The following PDXDC1 variants were observed in gnomAD, a reference collection of about 807,000 sequenced individuals.
The protein encoded by PDXDC1 is pyridoxal-dependent decarboxylase domain-containing protein 1.
A neutral mutation model predicts 100.1 loss-of-function variants in PDXDC1; 42 were observed. The ratio of observed to expected loss-of-function variants is 0.42; its 90% CI spans 0.33 to 0.54. The LOEUF is 0.54. Ranked by LOEUF, PDXDC1 falls within the 20% of genes least tolerant of loss-of-function variation. PDXDC1 has a pLI of 0.10. For missense variants in PDXDC1, 636 were observed against 979.2 expected (o/e 0.65, Z 4.68); for synonymous variants, 260 against 371.7 (o/e 0.70, Z 3.46).
At chr16:15,074,833 G>C (rs1196611169) in intron 16 of PDXDC1, 4 of 1,612,016 alleles carry the variant, frequency 2.5e-6, no homozygotes, top group Non-Finnish European at 2.5e-6. Flanking sequence ...ACCAGCCTTT[G>C]TTTCATGTTC....
chr16:15,044,365 C>A, intron 16 of PDXDC1: 1 of 1,613,428 alleles, frequency 6.2e-7, no homozygotes. Context: ...TTTGTGACAA[C>A]TGCCTGTCGT....
At chr16:14,980,340 G>C (rs1346176155) in intron 1 of PDXDC1, among the ~76,000 whole-genome samples, 3 of 152,258 alleles carry the variant, frequency 2.0e-5, no homozygotes, top group African/African-American at 7.2e-5. Flanking sequence ...CTGTCACCCA[G>C]GCTGGAGTGC....
At chr16:15,030,329 G>A (rs1326581257) in intron 16 of PDXDC1, among the ~76,000 whole-genome samples, 5 of 152,224 alleles carry the variant, frequency 3.3e-5, no homozygotes, top group African/African-American at 1.2e-4. Flanking sequence ...CAGATCATCT[G>A]AGGTCAGGAG....
chr16:15,144,203 A>G (rs1299906378), downstream of PDXDC1, among the ~76,000 whole-genome samples: 1 of 152,086 alleles, frequency 6.6e-6, no homozygotes, highest in East Asian at 1.9e-4. Flanking sequence ...GCTGGAGAGG[A>G]CAGGGGACAG....
At chr16:15,006,087 A>T (rs1486110141) in intron 5 of PDXDC1, among the ~76,000 whole-genome samples, 1 of 152,294 alleles carries the variant, frequency 6.6e-6, no homozygotes, top group East Asian at 1.9e-4. Flanking sequence ...GCCTTAGTTC[A>T]TAATAAGCCA....
In PDXDC1 at chr16:15,104,364, T is replaced by C. The variant is rs2046684461; in HGVS notation, c.1400-34515T>C. 1.3e-5 allele frequency: 20 copies of C among 1,597,668 alleles called. No individual in the cohort carries two copies. In the South Asian group the frequency reaches 1.9e-4, roughly 15 times the overall value. Reference sequence around the variant, plus strand: ...ATTCTTCGTTAGTTTCTTCAGATTATCATCCACTGAGGGTGGAAGGGGAGT... The same window carrying C: ...ATTCTTCGTTAGTTTCTTCAGATTACCATCCACTGAGGGTGGAAGGGGAGT... On this transcript the variant is annotated intron_variant, in intron 16 of 16. Transcript: ENST00000535621.
At chr16:15,149,889 C>T in the PDXDC1 span, among the ~76,000 whole-genome samples, 3 of 152,080 alleles carry the variant, frequency 2.0e-5, no homozygotes, top group Non-Finnish European at 2.9e-5. Flanking sequence ...TCGGCTCCAA[C>T]GACCAATTTA....
intron 16 of PDXDC1, chr16:15,091,228 T>C (rs532735388): frequency 6.5e-7 from 1 of 1,538,784 alleles, no homozygotes. Context: ...GAGCAAGTTC[T>C]GGAGGACAGA....
chr16:15,011,628 T>C (rs2041271762), intron 8 of PDXDC1, among the ~76,000 whole-genome samples: 3 of 141,838 alleles, frequency 2.1e-5, no homozygotes, highest in Admixed American at 7.5e-5. Flanking sequence ...AAAACATTTT[T>C]TTCTTTTTTT....
chr16:15,097,186 T>G (rs981074319), intron 16 of PDXDC1, among the ~76,000 whole-genome samples: 2 of 151,800 alleles, frequency 1.3e-5, no homozygotes, highest in African/African-American at 4.8e-5. Flanking sequence ...GAGAATCACT[T>G]GAACCCAGGA....
In PDXDC1 at chr16:15,013,913, AC is replaced by A. The variant is rs2041564975; in HGVS notation, c.728-2215del. Among the ~76,000 whole-genome samples the A allele has an allele frequency of 2.6e-5, 4 of 151,778 alleles. No individual in the cohort carries two copies. The South Asian group carries it at 8.3e-4, about 32-fold the overall frequency. On this transcript the variant is annotated intron_variant, in intron 8 of 22. Coordinates refer to ENST00000396410, the MANE Select transcript of PDXDC1 (RefSeq NM_015027.4). The stretch of plus-strand genomic sequence containing the variant: ...AAAAAAAAAATCATACTACAATAAA[AC>A]TGCTTATTTAGGCCGGGTGCGGTGG...
At chr16:15,023,919 T>G (rs1400761428) in intron 13 of PDXDC1, among the ~76,000 whole-genome samples, 1 of 152,298 alleles carries the variant, frequency 6.6e-6, no homozygotes, top group Non-Finnish European at 1.5e-5. Context: ...TGCCGGTTGG[T>G]CTCCTCTGAT....
intron 11 of PDXDC1, among the ~76,000 whole-genome samples, chr16:15,017,926 C>T (rs545734124): frequency 6.6e-6 from 1 of 152,304 alleles, no homozygotes; most frequent in African/African-American, 2.4e-5. Flanking sequence ...TCCCAAGTAG[C>T]TGGGATTACA....
chr16:15,100,296 A>G (rs554273951), intron 16 of PDXDC1, among the ~76,000 whole-genome samples: 27 of 152,336 alleles, frequency 1.8e-4, no homozygotes, highest in African/African-American at 6.0e-4. Context: ...TGAGTCAATT[A>G]TCTTTATAAA....
chr16:15,109,656 C>CAA (rs1209569064), intron 16 of PDXDC1, among the ~76,000 whole-genome samples: 1 of 18,706 alleles, frequency 5.3e-5, no homozygotes, highest in African/African-American at 3.0e-4. Context: ...GACTCTGTCT[C>CAA]AAAAAAAAAA....
At chr16:15,026,000 GT>G (rs1280230387) in intron 13 of PDXDC1, 1 of 152,458 alleles carries the variant, frequency 6.6e-6, no homozygotes, top group African/African-American at 2.4e-5. Flanking sequence ...CACAGATCCA[GT>G]TCTCAGCTGT....
rs753147743 is a variant in PDXDC1, at chr16:15,044,373, C to T, written c.1399+14317C>T. 3.3e-5 allele frequency: 53 copies of T among 1,613,410 alleles called. 1 individual carries two copies. In the East Asian group the frequency reaches 7.1e-4, roughly 22 times the overall value. On this transcript the variant is annotated intron_variant, in intron 16 of 16. Coordinates refer to the PDXDC1 transcript ENST00000535621. Reference sequence around the variant, plus strand: ...GTGAGTTTTTGTGACAACTGCCTGTCGTCACTGAAGCCTCCAACAAGGTGT... The same window carrying T: ...GTGAGTTTTTGTGACAACTGCCTGTTGTCACTGAAGCCTCCAACAAGGTGT...
At chr16:15,112,478 C>G (rs2047108701) in intron 16 of PDXDC1, among the ~76,000 whole-genome samples, 1 of 146,486 alleles carries the variant, frequency 6.8e-6, no homozygotes, top group African/African-American at 2.5e-5. Context: ...CTCAGCCTCC[C>G]AAAGTGCTGG....
At chr16:15,073,175 A>T in intron 16 of PDXDC1, 2 of 1,412,168 alleles carry the variant, frequency 1.4e-6, no homozygotes, top group South Asian at 2.4e-5. Flanking sequence ...TTAAAAAACA[A>T]CATTATCCAG....
Sources: gnomAD v4.1 joint callset for allele counts (sites outside exome capture counted in the v4.1 genomes callset) on GRCh38, gnomAD v4.1.1 for gene constraint, MANE v1.5 for transcripts, NCBI Gene and HGNC (gene_info 2026-07-23, HGNC 2026-07-21) for gene names.